Variants in METTL21C observed in about 807,000 individuals in gnomAD.
METTL21C encodes the protein methyltransferase 21C, AARS1 lysine, also known as protein-lysine methyltransferase METTL21C.
Under a neutral mutation model 25.9 loss-of-function variants are expected in METTL21C, and 21 were observed. The ratio of observed to expected loss-of-function variants is 0.81; its 90% CI spans 0.58 to 1.17. The LOEUF is 1.17. Ranked by LOEUF, METTL21C falls within the 50% of genes most tolerant of loss-of-function variation. METTL21C has a pLI of 0.00. For synonymous variants in METTL21C, 125 were observed against 124.7 expected (o/e 1.00, Z -0.01); for missense variants, 312 against 315.1 (o/e 0.99, Z 0.07).
chr13:102,697,272 G>C (rs564484684), upstream of METTL21C, among the ~76,000 whole-genome samples: 10 of 152,196 alleles, frequency 6.6e-5, no homozygotes, highest in Non-Finnish European at 1.3e-4. Context: ...TTGGGCTGTG[G>C]TTCTCAAGGG....
intron 2 of METTL21C, among the ~76,000 whole-genome samples, chr13:102,689,311 T>C (rs1195076134): frequency 6.6e-6 from 1 of 152,194 alleles, no homozygotes. Flanking sequence ...AAGCTGTGAG[T>C]AGTTTGGTGA....
chr13:102,701,056 T>G, the METTL21C span, among the ~76,000 whole-genome samples: 2 of 152,076 alleles, frequency 1.3e-5, no homozygotes, highest in Admixed American at 1.3e-4. Flanking sequence ...TGTGTTTACC[T>G]GATGGAACTA....
chr13:102,693,886 G>A (rs1885887867), intron 1 of METTL21C, among the ~76,000 whole-genome samples: 1 of 152,108 alleles, frequency 6.6e-6, no homozygotes. Flanking sequence ...CTGCATCTTG[G>A]CTTTTATTAG....
At position 102,686,371 on chromosome 13, in the gene METTL21C, T is replaced by C. The variant is rs138041652; in HGVS notation, c.455A>G (p.Asn152Ser). Reference protein sequence around the residue: ...LPDVLGNLQYNLLKNTLQCTA... With the variant: ...LPDVLGNLQYSLLKNTLQCTA... ...ACATTGTAGTGTGTTTTTTAAAAGATTGTATTGAAGGTTTCCCAGGACATC... is the reference window on the plus strand; with the variant it reads ...ACATTGTAGTGTGTTTTTTAAAAGACTGTATTGAAGGTTTCCCAGGACATC... Residue 152 changes from asparagine to serine, a missense_variant, in exon 4 of 4, where the codon AAT becomes AGT. By Grantham distance (46) the Asn-to-Ser change is conservative. Transcript: ENST00000267273. 3.7e-3 allele frequency: 6,044 copies of C among 1,614,122 alleles called. 20 individuals are homozygous for C. Among genetic ancestry groups the C allele is most frequent in the Non-Finnish European group, 4.4e-3 (5,198 of 1,180,004 alleles).
chr13:102,702,843 G>A, the METTL21C span, among the ~76,000 whole-genome samples: 1 of 152,008 alleles, frequency 6.6e-6, no homozygotes, highest in Non-Finnish European at 1.5e-5. Context: ...CACCCACCTC[G>A]GCCTCCCAAA....
chr13:102,689,735 G>T (rs1039251783), intron 2 of METTL21C, among the ~76,000 whole-genome samples: 1 of 152,234 alleles, frequency 6.6e-6, no homozygotes, highest in Non-Finnish European at 1.5e-5. Context: ...CCAGTCGGGA[G>T]CTTTACCACG....
chr13:102,686,952 C>G lies in METTL21C; in HGVS notation c.388G>C (p.Ala130Pro), dbSNP rs1178608385. ...TAAACAAACAAACCTAAAATACTGG[C>G]CACAATGGAAACAAGGCCTGGTCCG... ...GAGPGLVSIV[A>P]SILGAQVTAT... The change falls in exon 3 of 4, where the codon GCC (alanine) becomes CCC (proline). Residue 130 changes from alanine (A) to proline (P), a missense_variant. Coordinates refer to ENST00000267273, the MANE Select transcript of METTL21C (RefSeq NM_001010977.3). 1 of 1,613,610 alleles carries G rather than the reference C, an allele frequency of 6.2e-7. No homozygotes were observed. The highest frequency in any genetic ancestry group is 8.5e-7 in the Non-Finnish European group (1 of 1,179,558).
upstream of METTL21C, among the ~76,000 whole-genome samples, chr13:102,698,100 T>C (rs966336000): frequency 6.6e-6 from 1 of 152,132 alleles, no homozygotes; most frequent in African/African-American, 2.4e-5. Context: ...GCAAGTGAAA[T>C]TTTATATATC....
intron 1 of METTL21C, among the ~76,000 whole-genome samples, chr13:102,693,265 TTAATA>T (rs1177727315): frequency 6.6e-6 from 1 of 152,232 alleles, no homozygotes; most frequent in East Asian, 1.9e-4. Context: ...ACCTTTGTCT[TTAATA>T]TAATCTATTT....
intron 2 of METTL21C, among the ~76,000 whole-genome samples, chr13:102,689,439 G>A (rs1177026671): frequency 3.3e-5 from 5 of 152,202 alleles, no homozygotes; most frequent in Admixed American, 2.0e-4. Context: ...CTAAGAGCCT[G>A]AAGCCCTTTG....
At chr13:102,698,354 G>C (rs1176532531), upstream of METTL21C, among the ~76,000 whole-genome samples, 1 of 152,120 alleles carries the variant, frequency 6.6e-6, no homozygotes, top group African/African-American at 2.4e-5. Flanking sequence ...ACGCAGCATG[G>C]ATCATGAGGT....
chr13:102,691,811 A>G (rs1191350895), intron 1 of METTL21C, among the ~76,000 whole-genome samples: 3 of 152,166 alleles, frequency 2.0e-5, no homozygotes, highest in Non-Finnish European at 4.4e-5. Flanking sequence ...TTAAGTTACT[A>G]TTGCTTTAAA....
At chr13:102,688,192 G>T (rs567127417) in intron 2 of METTL21C, among the ~76,000 whole-genome samples, 1 of 152,326 alleles carries the variant, frequency 6.6e-6, no homozygotes, top group Non-Finnish European at 1.5e-5. Context: ...TTTGGAGTGG[G>T]GGCAGCCAGG....
chr13:102,703,353 A>C, the METTL21C span, among the ~76,000 whole-genome samples: 3,884 of 152,258 alleles, frequency 0.026, 173 homozygotes, highest in African/African-American at 0.088. Context: ...GCCAGAAAAC[A>C]TCAAATCTCA....
upstream of METTL21C, among the ~76,000 whole-genome samples, chr13:102,695,399 G>C (rs1165835625): frequency 6.6e-6 from 1 of 152,150 alleles, no homozygotes; most frequent in African/African-American, 2.4e-5. Context: ...AAAAGGGAAG[G>C]AGAAAAATCA....
upstream of METTL21C, among the ~76,000 whole-genome samples, chr13:102,696,879 C>T (rs773432455): frequency 3.3e-5 from 5 of 152,094 alleles, no homozygotes; most frequent in African/African-American, 1.2e-4. Flanking sequence ...GCCCAAGCAG[C>T]CACGGGAAGA....
chr13:102,696,353 T>G (rs1290299192), upstream of METTL21C, among the ~76,000 whole-genome samples: 2 of 151,168 alleles, frequency 1.3e-5, no homozygotes, highest in African/African-American at 4.9e-5. Flanking sequence ...ATCACACACC[T>G]GGGCCTGTCA....
intron 2 of METTL21C, 46 bp from the exon 3 acceptor site, chr13:102,687,103 A>C: frequency 7.2e-7 from 1 of 1,380,500 alleles, no homozygotes. Flanking sequence ...GAACATTGGA[A>C]ACCAGTAGCA....
At position 102,686,038 on chromosome 13, in the gene METTL21C, C is replaced by A. The variant is rs1885658065; in HGVS notation, c.788G>T (p.Trp263Leu). Residue 263 changes from tryptophan to leucine, a missense_variant, in exon 4 of 4, where the codon TGG becomes TTG. Coordinates refer to ENST00000267273, the MANE Select transcript of METTL21C (RefSeq NM_001010977.3). Reference sequence around the variant, plus strand: ...AAAGGCATTTTGTTGGATTTAGTCCCATTTTAGTATCCCCTTAAAAAGTTT... The same window carrying A: ...AAAGGCATTTTGTTGGATTTAGTCCAATTTTAGTATCCCCTTAAAAAGTTT... ...SVKLFKGILK[W>L]D The A allele has an allele frequency of 1.3e-6, 2 of 1,572,136 alleles. No homozygotes were observed. Among genetic ancestry groups the A allele is most frequent in the Admixed American group, 1.8e-5 (1 of 55,996 alleles).
Sources: allele counts gnomAD v4.1 joint callset (sites outside exome capture counted in the v4.1 genomes callset), GRCh38; gene constraint gnomAD v4.1.1; transcripts MANE v1.5; gene names NCBI Gene and HGNC (gene_info 2026-07-23, HGNC 2026-07-21).